Variants in INTS9 observed in about 807,000 individuals in gnomAD.
INTS9 encodes protein related to CPSF subunits of 74 kDa.
A neutral mutation model predicts 79.7 loss-of-function variants in INTS9; 55 were observed. The ratio of observed to expected loss-of-function variants is 0.69; its 90% confidence interval spans 0.56 to 0.86. The LOEUF (loss-of-function observed/expected upper bound fraction) is 0.86. Among genes scored for constraint, INTS9 ranks in the 40% least tolerant of loss-of-function variants. The pLI is 0.00. For synonymous variants in INTS9, 319 were observed against 325.2 expected (o/e 0.98, Z 0.20); for missense variants, 721 against 831.5 (o/e 0.87, Z 1.64).
chr8:28,767,911 G>T lies in INTS9; in HGVS notation c.*235C>A, dbSNP rs1802302117. 2 of 512,294 alleles carry T rather than the reference G, an allele frequency of 3.9e-6. No homozygotes were observed. The highest frequency in any genetic ancestry group is 7.0e-6 in the Non-Finnish European group (2 of 283,744). 31.7% of individuals were successfully genotyped at this position (512,294 alleles called of 1,614,324 possible). Reference sequence around the variant, plus strand: ...CACTTCTGCCACCCTCCAGCTCCTTGAGAGAGCCAGAGTTGAGAAGAAAAT... The same window carrying T: ...CACTTCTGCCACCCTCCAGCTCCTTTAGAGAGCCAGAGTTGAGAAGAAAAT... On this transcript the variant is annotated 3_prime_UTR_variant, in exon 17 of 17. Coordinates refer to ENST00000521022, the MANE Select transcript of INTS9 (RefSeq NM_018250.4).
At chr8:28,829,426 C>A (rs184803282) in intron 6 of INTS9, among the ~76,000 whole-genome samples, 11 of 152,254 alleles carry the variant, frequency 7.2e-5, no homozygotes, top group Admixed American at 5.9e-4. Flanking sequence ...TCAACTGAGG[C>A]AGGAAGTTAC....
At chr8:28,799,857 T>C (rs765992104) in intron 8 of INTS9, among the ~76,000 whole-genome samples, 50 of 152,328 alleles carry the variant, frequency 3.3e-4, no homozygotes, top group Non-Finnish European at 6.6e-4. Flanking sequence ...ATTGGTGTGC[T>C]GAGGTCAGTA....
At chr8:28,850,396 C>T (rs555026364) in intron 2 of INTS9, 123 bp from the exon 3 acceptor site, 2 of 590,806 alleles carry the variant, frequency 3.4e-6, no homozygotes, top group Non-Finnish European at 5.7e-6. Flanking sequence ...TAGTTCTTAC[C>T]CTAAATTCCA....
intron 1 of INTS9, among the ~76,000 whole-genome samples, chr8:28,864,860 C>G (rs1473629181): frequency 6.6e-6 from 1 of 151,926 alleles, no homozygotes; most frequent in Non-Finnish European, 1.5e-5. Flanking sequence ...GTGGTGCACA[C>G]CTGTAATCCC....
intron 6 of INTS9, among the ~76,000 whole-genome samples, chr8:28,831,497 A>G (rs1015168018): frequency 3.9e-5 from 6 of 152,316 alleles, no homozygotes; most frequent in African/African-American, 1.2e-4. Context: ...TCTGCATCTT[A>G]GGAAATACCT....
rs760564353 is a variant in INTS9, at chr8:28,775,742, G to A, written c.1563+17C>T. 4.2e-5 allele frequency: 67 copies of A among 1,613,566 alleles called. No individual in the cohort carries two copies. Among genetic ancestry groups the A allele is most frequent in the Middle Eastern group, 3.3e-4 (2 of 6,084 alleles). Reference sequence around the variant, plus strand: ...GTGGAAAGCTCTAGTTTAACCCTAGGAAGGAGAACAGCTCACCTCTGGCAT... The same window carrying A: ...GTGGAAAGCTCTAGTTTAACCCTAGAAAGGAGAACAGCTCACCTCTGGCAT... On this transcript the variant is annotated intron_variant, in intron 14 of 16. Transcript: ENST00000521022.
chr8:28,779,480 G>A (rs1456258672), intron 12 of INTS9, among the ~76,000 whole-genome samples: 1 of 152,164 alleles, frequency 6.6e-6, no homozygotes, highest in East Asian at 1.9e-4. Context: ...AGACCCCTCT[G>A]TAATCATCCT....
At chr8:28,856,900 T>C (rs1371198105) in intron 2 of INTS9, among the ~76,000 whole-genome samples, 1 of 152,144 alleles carries the variant, frequency 6.6e-6, no homozygotes, top group Non-Finnish European at 1.5e-5. Context: ...GTCCCCAGTG[T>C]CTACTGTTGC....
intron 2 of INTS9, among the ~76,000 whole-genome samples, chr8:28,857,419 A>C (rs1808233960): frequency 6.6e-6 from 1 of 152,180 alleles, no homozygotes; most frequent in Admixed American, 6.5e-5. Context: ...TGTGGGGCCT[A>C]AGAGGTTCTA....
intron 1 of INTS9, among the ~76,000 whole-genome samples, chr8:28,884,901 A>G (rs192951229): frequency 6.6e-6 from 1 of 152,364 alleles, no homozygotes; most frequent in Admixed American, 6.5e-5. Flanking sequence ...TAGGAAGCCA[A>G]CAGGATTCTA....
chr8:28,870,888 A>G (rs2131337293), intron 1 of INTS9, among the ~76,000 whole-genome samples: 1 of 152,120 alleles, frequency 6.6e-6, no homozygotes, highest in South Asian at 2.1e-4. Context: ...GTGTGGATCA[A>G]GAGTTGGGGG....
At chr8:28,802,049 C>G (rs940892823) in intron 8 of INTS9, among the ~76,000 whole-genome samples, 5 of 152,142 alleles carry the variant, frequency 3.3e-5, no homozygotes, top group African/African-American at 1.2e-4. Context: ...CCAATCACCG[C>G]CTTCCAATCC....
intron 6 of INTS9, among the ~76,000 whole-genome samples, chr8:28,815,076 A>G (rs927966834): frequency 8.5e-5 from 13 of 152,208 alleles, no homozygotes; most frequent in Non-Finnish European, 1.3e-4. Flanking sequence ...GCAGAGGAGC[A>G]GGCAGGGAAA....
intron 1 of INTS9, among the ~76,000 whole-genome samples, chr8:28,875,255 AT>A (rs964506351): frequency 2.6e-5 from 4 of 152,154 alleles, no homozygotes; most frequent in Non-Finnish European, 1.5e-5. Flanking sequence ...AAATGTATCC[AT>A]TTTTGTACAC....
In INTS9 at chr8:28,796,636, A is replaced by G; in HGVS notation, c.764T>C (p.Leu255Pro). 1 of 1,613,324 alleles carries G rather than the reference A, an allele frequency of 6.2e-7. No individual in the cohort carries two copies. The highest frequency in any genetic ancestry group is 8.5e-7 in the Non-Finnish European group (1 of 1,179,266). The change falls in exon 9 of 17, where the codon CTC (leucine) becomes CCC (proline). Residue 255 changes from leucine to proline, a missense_variant. Leu to Pro is a moderately conservative substitution (Grantham distance 98). Coordinates refer to ENST00000521022, the MANE Select transcript of INTS9 (RefSeq NM_018250.4). ...THPQPMDQAS[L>P]KNSDVLVLTG... ...CAGAACAAGAACATCGCTGTTTTTG[A>G]GAGAAGCTTGGTCCATGGGCTGAAA... is the stretch of plus-strand genomic sequence containing the variant.
At chr8:28,804,137 T>C (rs1563262018) in intron 8 of INTS9, among the ~76,000 whole-genome samples, 1 of 152,124 alleles carries the variant, frequency 6.6e-6, no homozygotes, top group East Asian at 1.9e-4. Context: ...TTGTCCAAGC[T>C]GGTCTTGAAC....
At chr8:28,845,064 A>G (rs1271857971) in intron 4 of INTS9, among the ~76,000 whole-genome samples, 1 of 152,152 alleles carries the variant, frequency 6.6e-6, no homozygotes, top group African/African-American at 2.4e-5. Flanking sequence ...GTACTCACAT[A>G]TTTACTTACA....
intron 1 of INTS9, among the ~76,000 whole-genome samples, chr8:28,886,366 G>A (rs952074486): frequency 2.0e-5 from 3 of 152,070 alleles, no homozygotes; most frequent in African/African-American, 4.8e-5. Context: ...TCCTGCCTCA[G>A]CCCCTCAAGT....
At chr8:28,795,556 C>T (rs2130963307) in intron 9 of INTS9, among the ~76,000 whole-genome samples, 1 of 145,056 alleles carries the variant, frequency 6.9e-6, no homozygotes, top group East Asian at 2.1e-4. Context: ...AGGAGAATCG[C>T]TTGAACCTGG....
Sources: gnomAD v4.1 joint callset for allele counts (sites outside exome capture counted in the v4.1 genomes callset) on GRCh38, gnomAD v4.1.1 for gene constraint, MANE v1.5 for transcripts, NCBI Gene and HGNC (gene_info 2026-07-23, HGNC 2026-07-21) for gene names.